CDRT4: variants seen among roughly 807,000 people sequenced by gnomAD.
CDRT4 encodes CMT1A duplicated region transcript 4, also known as CMT1A duplicated region transcript 4 protein.
For synonymous variants in CDRT4, 64 were observed against 69.6 expected (o/e 0.92, Z 0.40); for missense variants, 167 against 193.1 (o/e 0.87, Z 0.80).
chr17:15,467,007 G>A, intron 1 of CDRT4, among the ~76,000 whole-genome samples: 1 of 152,186 alleles, frequency 6.6e-6, no homozygotes, highest in East Asian at 1.9e-4. Flanking sequence ...GCTCTGTGGA[G>A]AGGTAATGCA....
At chr17:15,446,960 C>A (rs918329772) in intron 2 of CDRT4, among the ~76,000 whole-genome samples, 14 of 152,168 alleles carry the variant, frequency 9.2e-5, no homozygotes, top group African/African-American at 3.4e-4. Flanking sequence ...TTCAAAAAAC[C>A]TATCCTGAGC....
At chr17:15,459,698 G>A (rs530833901) in intron 1 of CDRT4, among the ~76,000 whole-genome samples, 55 of 151,972 alleles carry the variant, frequency 3.6e-4, no homozygotes, top group Admixed American at 2.9e-3. Context: ...CGCCCGCCTC[G>A]GCCTCCCAAA....
intron 1 of CDRT4, among the ~76,000 whole-genome samples, chr17:15,462,823 T>G (rs577109756): frequency 4.9e-4 from 74 of 152,228 alleles, no homozygotes; most frequent in Middle Eastern, 3.4e-3. Flanking sequence ...AAAGGGGTTA[T>G]CGATGGGAGA....
intron 2 of CDRT4, chr17:15,444,180 G>A (rs945687607): frequency 1.8e-6 from 2 of 1,116,150 alleles, no homozygotes; most frequent in African/African-American, 3.0e-5. Flanking sequence ...TGTTCAGCAG[G>A]CCGATGAATA....
Position 15,464,477 on chromosome 17 carries a change from C to T in CDRT4, c.-130+2983G>A, listed in dbSNP as rs547176795. 3.1e-4 allele frequency among the ~76,000 whole-genome samples: 47 copies of T among 152,228 alleles called. No homozygotes were observed. The highest frequency in any genetic ancestry group is 1.0e-3 in the African/African-American group (42 of 41,532). ...CCTTCCCACCCCTTGCTAGTTGGAG[C>T]TGATTCCTGAGAGGCAGCACTAGAT... On this transcript the variant is annotated intron_variant, in intron 1 of 3. Coordinates refer to ENST00000619038, the MANE Select transcript of CDRT4 (RefSeq NM_001204477.2). This position sits in a 1 kb window ranked among gnomAD's most constrained non-coding sequence, Gnocchi z 4.5.
chr17:15,452,621 A>G (rs1979312816), intron 2 of CDRT4: 1 of 152,280 alleles, frequency 6.6e-6, no homozygotes, highest in African/African-American at 2.4e-5. Context: ...TTTCAAATGC[A>G]TGGAGTTGCC....
Position 15,464,678 on chromosome 17 carries a change from C to T in CDRT4, c.-130+2782G>A, listed in dbSNP as rs1014344018. ...TTATGCACCCTTCCCCTTCTGCTTTCAAACCTTGCCAAGTCTCCCCTCCTC... is the reference window on the plus strand; with the variant it reads ...TTATGCACCCTTCCCCTTCTGCTTTTAAACCTTGCCAAGTCTCCCCTCCTC... On this transcript the variant is annotated intron_variant, in intron 1 of 3. Transcript: ENST00000619038. This position sits in a 1 kb window ranked among gnomAD's most constrained non-coding sequence, Gnocchi z 4.5. Among the ~76,000 whole-genome samples the T allele has an allele frequency of 6.6e-6, 1 of 152,100 alleles. No individual in the cohort carries two copies. The highest frequency in any genetic ancestry group is 2.4e-5 in the African/African-American group (1 of 41,380).
intron 2 of CDRT4, among the ~76,000 whole-genome samples, chr17:15,448,540 T>C (rs1450042814): frequency 1.3e-5 from 2 of 152,136 alleles, no homozygotes; most frequent in Non-Finnish European, 2.9e-5. Context: ...ACACCCTCTC[T>C]CCCTTCTGCC....
chr17:15,455,361 G>C (rs1429530379), intron 1 of CDRT4, among the ~76,000 whole-genome samples: 1 of 152,202 alleles, frequency 6.6e-6, no homozygotes, highest in East Asian at 1.9e-4. Flanking sequence ...CATCTTAACA[G>C]AACTGCAAAG....
At chr17:15,451,969 C>T (rs568372163) in intron 2 of CDRT4, among the ~76,000 whole-genome samples, 3 of 152,312 alleles carry the variant, frequency 2.0e-5, no homozygotes, top group South Asian at 4.1e-4. Context: ...GATAAATGGA[C>T]GTTACTGCAA....
At position 15,467,091 on chromosome 17, in the gene CDRT4, G is replaced by T. The variant is rs185337867; in HGVS notation, c.-130+369C>A. Among the ~76,000 whole-genome samples, 789 of 152,178 alleles carry T rather than the reference G, an allele frequency of 5.2e-3. 4 individuals are homozygous for T. Among genetic ancestry groups the T allele is most frequent in the African/African-American group, 0.018 (735 of 41,520 alleles). On this transcript the variant is annotated intron_variant, in intron 1 of 3. Transcript: ENST00000619038. ...ATGGGGGGGAACGGGGGTATATTTT[G>T]TGTGTGTGTGTTTTGCTTAAGTAGA... is the stretch of plus-strand genomic sequence containing the variant.
intron 2 of CDRT4, 93 bp from the exon 3 acceptor site, chr17:15,440,378 G>A (rs1978703017): frequency 7.3e-7 from 1 of 1,375,282 alleles, no homozygotes; most frequent in African/African-American, 1.4e-5. Flanking sequence ...GTCCTATATG[G>A]TCACTGCATG....
At chr17:15,466,153 A>C (rs943441001) in intron 1 of CDRT4, among the ~76,000 whole-genome samples, 5 of 152,266 alleles carry the variant, frequency 3.3e-5, no homozygotes, top group Admixed American at 2.0e-4. Flanking sequence ...CAGTGGGTGA[A>C]CTGACAAGTG....
At chr17:15,441,185 G>C (rs1390207375) in intron 2 of CDRT4, among the ~76,000 whole-genome samples, 2 of 152,182 alleles carry the variant, frequency 1.3e-5, no homozygotes, top group East Asian at 1.9e-4. Context: ...CATTGAGAAA[G>C]AGTCTCAGAT....
chr17:15,457,478 A>AACC (rs1429779606), intron 1 of CDRT4, among the ~76,000 whole-genome samples: 3 of 152,238 alleles, frequency 2.0e-5, no homozygotes, highest in Non-Finnish European at 4.4e-5. Flanking sequence ...CAGCCTTTGC[A>AACC]ACCACAGAGT....
rs114228307 is a variant in CDRT4, at chr17:15,445,318, G to A, written c.-47-5033C>T. Among the ~76,000 whole-genome samples, 339 of 152,220 alleles carry A rather than the reference G, an allele frequency of 2.2e-3. 2 individuals are homozygous for A. The highest frequency in any genetic ancestry group is 7.8e-3 in the African/African-American group (323 of 41,528). On this transcript the variant is annotated intron_variant, in intron 2 of 3. Transcript: ENST00000619038. ...ATACAGATTGTTCAACCCAGGAGTC[G>A]CCACATCTTCTAAATCTGCAAGATT...
chr17:15,439,907 A>C (rs1350902614), intron 3 of CDRT4, among the ~76,000 whole-genome samples: 1 of 152,084 alleles, frequency 6.6e-6, no homozygotes, highest in Non-Finnish European at 1.5e-5. Flanking sequence ...ACTTGGACAC[A>C]GGAAGGGGAA....
chr17:15,453,642 T>C (rs1979359501), intron 1 of CDRT4, among the ~76,000 whole-genome samples: 1 of 152,128 alleles, frequency 6.6e-6, no homozygotes, highest in Non-Finnish European at 1.5e-5. Flanking sequence ...AATATTATTG[T>C]GTATGGATTT....
In CDRT4 at chr17:15,437,573, G is replaced by A; in HGVS notation, c.*200C>T. On this transcript the variant is annotated 3_prime_UTR_variant, in exon 4 of 4. Transcript: ENST00000619038. ...CCCAAACCCACCAGAGAGCAGTGTGGGAGGGGACACACTCACCCACCCACC... is the reference window on the plus strand; with the variant it reads ...CCCAAACCCACCAGAGAGCAGTGTGAGAGGGGACACACTCACCCACCCACC... 1.6e-6 allele frequency: 1 copy of A among 610,004 alleles called. No homozygotes were observed. Among genetic ancestry groups the A allele is most frequent in the African/African-American group, 1.8e-5 (1 of 54,134 alleles). The allele number at this position is 610,004 out of a possible 1,614,324, so 37.8% of individuals were successfully genotyped here. A position where few individuals can be genotyped will look rare whatever the true frequency, so the allele number is the denominator to read the frequency against.
Sources: allele counts gnomAD v4.1 joint callset (sites outside exome capture counted in the v4.1 genomes callset), GRCh38; gene constraint gnomAD v4.1.1; non-coding constraint Gnocchi (gnomAD v3.1); transcripts MANE v1.5; gene names NCBI Gene and HGNC (gene_info 2026-07-23, HGNC 2026-07-21).